PARVG: variants seen among roughly 807,000 people sequenced by gnomAD.
The protein encoded by PARVG is parvin gamma.
Under a neutral mutation model 44.4 loss-of-function variants are expected in PARVG, and 36 were observed. That is an observed-to-expected ratio of 0.81 (90% CI 0.62 to 1.07). The LOEUF (loss-of-function observed/expected upper bound fraction) is 1.07. Ranked by LOEUF, PARVG falls within the 50% of genes least tolerant of loss-of-function variation. The pLI is 0.00. For missense variants in PARVG, 407 were observed against 407.4 expected (o/e 1.00, Z 0.01); for synonymous variants, 170 against 174.1 (o/e 0.98, Z 0.19).
rs1295922256 is a variant in PARVG at position 44,205,836 on chromosome 22, G to A, written c.886+7G>A. On this transcript the variant is annotated splice_region_variant and intron_variant, in intron 13 of 13. Coordinates refer to ENST00000444313, the MANE Select transcript of PARVG (RefSeq NM_022141.7). ...TGCCCTGTCAGCCCTGAAGGTGAGTGCAAGGCAGATGCCCACACGGTGGCC... is the reference window on the plus strand; with the variant it reads ...TGCCCTGTCAGCCCTGAAGGTGAGTACAAGGCAGATGCCCACACGGTGGCC... 6.2e-7 allele frequency: 1 copy of A among 1,612,442 alleles called. No homozygotes were observed. Among genetic ancestry groups the A allele is most frequent in the Admixed American group, 1.7e-5 (1 of 59,928 alleles).
At chr22:44,198,153 T>A (rs139148) in intron 11 of PARVG, among the ~76,000 whole-genome samples, 127,737 of 152,174 alleles carry the variant, frequency 0.84, 54,448 homozygotes, top group Non-Finnish European at 0.93. Context: ...CTTTGAAGAG[T>A]CTCAATAGGA....
At position 44,199,945 on chromosome 22, in the gene PARVG, A is replaced by G. The variant is rs142683619; in HGVS notation, c.813+1223A>G. Among the ~76,000 whole-genome samples, 20 of 152,196 alleles carry G rather than the reference A, an allele frequency of 1.3e-4. 1 individual carries two copies. In the East Asian group the frequency reaches 3.7e-3, roughly 28 times the overall value. The stretch of plus-strand genomic sequence containing the variant: ...GGCTGGGAGCTGGCTGCCTGCTTCC[A>G]GGCATGAGGGCTGTGGCTTGACCTG... On this transcript the variant is annotated intron_variant, in intron 12 of 13. Transcript: ENST00000444313.
rs893246531 is a variant in PARVG, at chr22:44,208,210, A to C, written c.*1784A>C. On this transcript the variant is annotated 3_prime_UTR_variant, in exon 14 of 14. Coordinates refer to ENST00000444313, the MANE Select transcript of PARVG (RefSeq NM_022141.7). ...ACAGCAATTAAAAAAAAAGTGACTT[A>C]TTTAATTACTGTAGCTTTATTGAAA... The C allele has an allele frequency of 2.0e-5, 3 of 152,228 alleles. No individual in the cohort carries two copies. The highest frequency in any genetic ancestry group is 7.2e-5 in the African/African-American group (3 of 41,458). The allele number at this position is 152,228 out of a possible 1,614,324, so 9.4% of individuals were successfully genotyped here. A position where few individuals can be genotyped will look rare whatever the true frequency, so the allele number is the denominator to read the frequency against.
At chr22:44,177,117 G>A (rs1462020546), upstream of PARVG, among the ~76,000 whole-genome samples, 2 of 152,124 alleles carry the variant, frequency 1.3e-5, no homozygotes, top group South Asian at 4.1e-4. Context: ...ACTCATGAAT[G>A]TTAACATTTT....
chr22:44,203,907 C>A (rs921254085), intron 12 of PARVG, among the ~76,000 whole-genome samples: 1 of 152,228 alleles, frequency 6.6e-6, no homozygotes, highest in African/African-American at 2.4e-5. Flanking sequence ...TGCAGTGGTG[C>A]AATCTTGGCT....
At chr22:44,193,161 C>T (rs931598599) in intron 8 of PARVG, among the ~76,000 whole-genome samples, 21 of 152,202 alleles carry the variant, frequency 1.4e-4, no homozygotes, top group African/African-American at 4.8e-4. Flanking sequence ...AGAGACTTGG[C>T]CTGCCCTGGA....
chr22:44,198,609 C>T lies in PARVG; in HGVS notation c.712-12C>T, dbSNP rs759927159. 1.9e-6 allele frequency: 3 copies of T among 1,599,362 alleles called. No homozygotes were observed. Among genetic ancestry groups the T allele is most frequent in the East Asian group, 2.2e-5 (1 of 44,774 alleles). ...TCTTCCATGTGATTGTCTCCAGTTCCTTCCTTTGTAGTTTGCAGATGGGGT... is the reference window on the plus strand; with the variant it reads ...TCTTCCATGTGATTGTCTCCAGTTCTTTCCTTTGTAGTTTGCAGATGGGGT... On this transcript the variant is annotated splice_polypyrimidine_tract_variant and intron_variant, in intron 11 of 13. Transcript: ENST00000444313.
At chr22:44,180,282 C>T (rs2054358361), upstream of PARVG, among the ~76,000 whole-genome samples, 1 of 152,198 alleles carries the variant, frequency 6.6e-6, no homozygotes, top group South Asian at 2.1e-4. Context: ...GTAACAGCTC[C>T]CCATGTTGCT....
intron 13 of PARVG, 84 bp downstream of exon 13, chr22:44,205,913 TG>T: frequency 6.8e-7 from 1 of 1,479,794 alleles, no homozygotes; most frequent in African/African-American, 1.4e-5. Context: ...TGCAGGGCAT[TG>T]GGGGATGAGC....
At chr22:44,183,941 C>T (rs760729690) in intron 3 of PARVG, 7 of 272,542 alleles carry the variant, frequency 2.6e-5, no homozygotes, top group Non-Finnish European at 3.4e-5. Flanking sequence ...TCCCCTCACA[C>T]GTGTGGGTCC....
At chr22:44,187,928 C>T (rs370689670) in intron 5 of PARVG, 50 bp downstream of exon 5, 10 of 1,592,672 alleles carry the variant, frequency 6.3e-6, no homozygotes, top group South Asian at 1.1e-5. Context: ...ATCCCCCTGA[C>T]CTGGCCCCTC....
At chr22:44,204,976 G>A (rs1012177423) in intron 12 of PARVG, among the ~76,000 whole-genome samples, 1 of 152,196 alleles carries the variant, frequency 6.6e-6, no homozygotes, top group Non-Finnish European at 1.5e-5. Context: ...ACCATATCCT[G>A]TAGCAAGGCA....
intron 7 of PARVG, 123 bp from the exon 8 acceptor site, chr22:44,191,926 A>G: frequency 9.0e-7 from 1 of 1,112,486 alleles, no homozygotes; most frequent in East Asian, 2.4e-5. Context: ...CCTGGGGAAG[A>G]AAGACAATTA....
At chr22:44,200,266 C>T (rs976258199) in intron 12 of PARVG, among the ~76,000 whole-genome samples, 5 of 152,204 alleles carry the variant, frequency 3.3e-5, no homozygotes, top group African/African-American at 4.8e-5. Flanking sequence ...GAGAGGTCCA[C>T]GGGCAGCCAA....
intron 13 of PARVG, 142 bp from the exon 14 acceptor site, chr22:44,206,175 A>C: frequency 1.5e-6 from 1 of 669,982 alleles, no homozygotes; most frequent in Non-Finnish European, 2.6e-6. Flanking sequence ...CCAGGCCTGG[A>C]GTGACCAGCT....
chr22:44,190,728 G>T, intron 7 of PARVG, 62 bp downstream of exon 7: 1 of 1,405,562 alleles, frequency 7.1e-7, no homozygotes. Flanking sequence ...CCCCATTGCC[G>T]TACCCTGCAT....
intron 12 of PARVG, among the ~76,000 whole-genome samples, chr22:44,204,955 C>T (rs1409509547): frequency 6.6e-6 from 1 of 152,194 alleles, no homozygotes; most frequent in African/African-American, 2.4e-5. Context: ...CCGGCAGGCT[C>T]CTGGGCTCTC....
At chr22:44,196,057 C>A in intron 9 of PARVG, 98 bp from the exon 10 acceptor site, 1 of 1,309,416 alleles carries the variant, frequency 7.6e-7, no homozygotes, top group Non-Finnish European at 1.1e-6. Context: ...TCCCTCTGGA[C>A]TGGTTATTCT....
intron 7 of PARVG, 66 bp downstream of exon 7, chr22:44,190,732 C>G: frequency 2.2e-6 from 3 of 1,369,542 alleles, no homozygotes; most frequent in East Asian, 4.6e-5. Flanking sequence ...ATTGCCGTAC[C>G]CTGCATGGGT....
Sources: gnomAD v4.1 joint callset for allele counts (sites outside exome capture counted in the v4.1 genomes callset) on GRCh38, gnomAD v4.1.1 for gene constraint, MANE v1.5 for transcripts, NCBI Gene and HGNC (gene_info 2026-07-23, HGNC 2026-07-21) for gene names.